The following GPD2 variants were observed in gnomAD, a reference collection of about 807,000 sequenced individuals.
GPD2 encodes the protein glycerol-3-phosphate dehydrogenase, mitochondrial.
A neutral mutation model predicts 82.4 loss-of-function variants in GPD2; 54 were observed. The ratio of observed to expected loss-of-function variants is 0.66; its 90% CI spans 0.53 to 0.82. The LOEUF is 0.82. GPD2 is among the 40% of genes least tolerant of loss of function. The probability of loss-of-function intolerance (pLI) is 0.00; values close to 1 mark genes in which losing one functional copy is unlikely to be tolerated. For missense variants in GPD2, 748 were observed against 896.2 expected (o/e 0.83, Z 2.11); for synonymous variants, 288 against 306.1 (o/e 0.94, Z 0.62).
the GPD2 span, among the ~76,000 whole-genome samples, chr2:156,415,145 A>C: frequency 3.0e-5 from 4 of 134,506 alleles, no homozygotes; most frequent in South Asian, 2.4e-4. Context: ...CCCCAAGTCC[A>C]TTGTATCATT....
At chr2:156,530,812 G>A (rs550830569) in intron 6 of GPD2, among the ~76,000 whole-genome samples, 2 of 152,268 alleles carry the variant, frequency 1.3e-5, no homozygotes, top group African/African-American at 4.8e-5. Context: ...GCTTTTCGAT[G>A]TGCTGCTGGA....
the GPD2 span, among the ~76,000 whole-genome samples, chr2:156,401,070 A>G: frequency 1.3e-5 from 2 of 152,216 alleles, no homozygotes; most frequent in Non-Finnish European, 2.9e-5. Flanking sequence ...GCATGAGTCC[A>G]GTGTTTAAAG....
At chr2:156,574,703 AG>A (rs1193287574) in intron 13 of GPD2, among the ~76,000 whole-genome samples, 1 of 152,226 alleles carries the variant, frequency 6.6e-6, no homozygotes, top group Non-Finnish European at 1.5e-5. Flanking sequence ...AACAGATAGA[AG>A]CCAAGTGCTC....
intron 9 of GPD2, among the ~76,000 whole-genome samples, chr2:156,559,467 A>G (rs1687089122): frequency 1.3e-5 from 2 of 152,218 alleles, no homozygotes; most frequent in Admixed American, 1.3e-4. Flanking sequence ...AAGGACATGG[A>G]AAAGCACTAT....
chr2:156,520,174 T>C (rs1420948620), intron 6 of GPD2, among the ~76,000 whole-genome samples: 1 of 152,164 alleles, frequency 6.6e-6, no homozygotes, highest in African/African-American at 2.4e-5. Context: ...CCGGTGGAAT[T>C]TGGGGTTTTT....
At chr2:156,569,807 C>A (rs962883653) in intron 11 of GPD2, among the ~76,000 whole-genome samples, 3 of 152,162 alleles carry the variant, frequency 2.0e-5, no homozygotes, top group Admixed American at 2.0e-4. Flanking sequence ...CTGTCTCAGG[C>A]ATGAAGAAGG....
At chr2:156,490,165 T>G (rs1684122914) in intron 2 of GPD2, among the ~76,000 whole-genome samples, 1 of 152,174 alleles carries the variant, frequency 6.6e-6, no homozygotes, top group East Asian at 1.9e-4. Context: ...AGTGTGTTGT[T>G]ACCTGTTTTA....
Position 156,584,451 on chromosome 2 carries a change from T to G in GPD2, c.*1533T>G, listed in dbSNP as rs1688142719. 1 of 152,480 alleles carries G rather than the reference T, an allele frequency of 6.6e-6. No homozygotes were observed. Among genetic ancestry groups the G allele is most frequent in the Non-Finnish European group, 1.5e-5 (1 of 67,964 alleles). 9.4% of individuals were successfully genotyped at this position (152,480 alleles called of 1,614,324 possible). A position where few individuals can be genotyped will look rare whatever the true frequency, so the allele number is the denominator to read the frequency against. Reference sequence around the variant, plus strand: ...ACTGCAGAGTATCTTTATGCCTTATTCAAGTGGATTCTGAGCCTGTATGTC... The same window carrying G: ...ACTGCAGAGTATCTTTATGCCTTATGCAAGTGGATTCTGAGCCTGTATGTC... On this transcript the variant is annotated 3_prime_UTR_variant, in exon 17 of 17. Coordinates refer to ENST00000438166, the MANE Select transcript of GPD2 (RefSeq NM_000408.5).
intron 13 of GPD2, among the ~76,000 whole-genome samples, chr2:156,574,215 GA>G (rs34925801): frequency 3.8e-4 from 55 of 146,160 alleles, no homozygotes; most frequent in East Asian, 1.2e-3. Context: ...AACATTTAGA[GA>G]AAAAAAAAAA....
intron 9 of GPD2, among the ~76,000 whole-genome samples, chr2:156,564,777 T>C (rs538898368): frequency 1.4e-3 from 212 of 152,250 alleles, no homozygotes; most frequent in African/African-American, 5.0e-3. Flanking sequence ...CATCCTTAAA[T>C]GTATTATTTT....
intron 1 of GPD2, among the ~76,000 whole-genome samples, chr2:156,451,445 C>T (rs1316458213): frequency 6.6e-5 from 8 of 120,302 alleles, no homozygotes; most frequent in East Asian, 3.0e-4. Context: ...CCCTCCCGGA[C>T]GGGGCGGCTG....
At chr2:156,541,582 C>T (rs1295574117) in intron 6 of GPD2, among the ~76,000 whole-genome samples, 1 of 152,146 alleles carries the variant, frequency 6.6e-6, no homozygotes, top group African/African-American at 2.4e-5. Flanking sequence ...ATTTAGAGTG[C>T]TGCTCTCAGT....
At chr2:156,520,311 C>T (rs895535622) in intron 6 of GPD2, among the ~76,000 whole-genome samples, 16 of 151,028 alleles carry the variant, frequency 1.1e-4, no homozygotes, top group South Asian at 2.1e-4. Flanking sequence ...GGGCCATTGC[C>T]GGGGAACTAC....
At chr2:156,488,038 G>A (rs76960655) in intron 2 of GPD2, among the ~76,000 whole-genome samples, 1 of 152,136 alleles carries the variant, frequency 6.6e-6, no homozygotes, top group South Asian at 2.1e-4. Flanking sequence ...GTACCTTCAA[G>A]GGGAACTAGA....
chr2:156,420,749 T>C, the GPD2 span, among the ~76,000 whole-genome samples: 7 of 152,352 alleles, frequency 4.6e-5, no homozygotes, highest in East Asian at 1.3e-3. Context: ...AGGAGATACC[T>C]AGAGAACTTC....
chr2:156,455,708 C>T (rs1386799022), intron 1 of GPD2, among the ~76,000 whole-genome samples: 1 of 152,034 alleles, frequency 6.6e-6, no homozygotes, highest in Non-Finnish European at 1.5e-5. Context: ...CTTCTCTTTC[C>T]TTCAGGGGTA....
the GPD2 span, among the ~76,000 whole-genome samples, chr2:156,423,865 C>T: frequency 1.1e-4 from 17 of 152,176 alleles, no homozygotes; most frequent in African/African-American, 3.9e-4. Context: ...CCGCTAAGAG[C>T]AGTAGCCAGT....
the GPD2 span, among the ~76,000 whole-genome samples, chr2:156,421,762 T>C: frequency 2.0e-5 from 3 of 152,368 alleles, no homozygotes; most frequent in East Asian, 1.9e-4. Flanking sequence ...TCTGCTTCTC[T>C]TCTGCTTATC....
At chr2:156,458,487 A>G (rs545529582) in intron 1 of GPD2, among the ~76,000 whole-genome samples, 107 of 152,330 alleles carry the variant, frequency 7.0e-4, no homozygotes, top group African/African-American at 2.4e-3. Flanking sequence ...TTAAATGGTT[A>G]TTGTGTCCCA....
Sources: gnomAD v4.1 joint callset for allele counts (sites outside exome capture counted in the v4.1 genomes callset) on GRCh38, gnomAD v4.1.1 for gene constraint, MANE v1.5 for transcripts, NCBI Gene and HGNC (gene_info 2026-07-23, HGNC 2026-07-21) for gene names.